Variants in KCNIP4 observed in about 807,000 individuals in gnomAD.
KCNIP4 encodes Kv channel-interacting protein 4.
A neutral mutation model predicts 34.0 loss-of-function variants in KCNIP4; 12 were observed. The observed-to-expected ratio is 0.35, with a 90% CI of 0.23 to 0.57. The LOEUF is 0.57. Ranked by LOEUF, KCNIP4 falls within the 20% of genes least tolerant of loss-of-function variation. KCNIP4 has a pLI of 0.83. For synonymous variants in KCNIP4, 124 were observed against 102.2 expected, an observed-to-expected ratio of 1.21 and a Z score of -1.29; for missense variants, 238 against 311.7, an observed-to-expected ratio of 0.76 and a Z score of 1.78.
chr4:21,588,053 C>T (rs973511961), intron 1 of KCNIP4, among the ~76,000 whole-genome samples: 4 of 151,852 alleles, frequency 2.6e-5, no homozygotes, highest in Non-Finnish European at 4.4e-5. Flanking sequence ...TTAGTTATCC[C>T]CTTTGAAGTC....
chr4:21,443,750 T>C (rs1727698732), intron 1 of KCNIP4, among the ~76,000 whole-genome samples: 1 of 151,980 alleles, frequency 6.6e-6, no homozygotes, highest in Admixed American at 6.6e-5. Flanking sequence ...CTGGGCAACA[T>C]AGTGAGACTC....
At position 20,728,630 on chromosome 4, in the gene KCNIP4, C is replaced by CTTTTA. The variant is rs759566449; in HGVS notation, c.*1447_*1451dup. ...GTAGAGTTATAAACATTTTATTTTG[C>CTTTTA]TTTTATTTTTTCTTTTTGAAATACA... On this transcript the variant is annotated 3_prime_UTR_variant, in exon 9 of 9. Coordinates refer to ENST00000382152, the MANE Select transcript of KCNIP4 (RefSeq NM_025221.6). 3.9e-5 allele frequency: 6 copies of CTTTTA among 152,472 alleles called. No homozygotes were observed. The highest frequency in any genetic ancestry group is 1.9e-4 in the East Asian group (1 of 5,190). 9.4% of individuals were successfully genotyped at this position (152,472 alleles called of 1,614,324 possible).
At chr4:21,148,506 C>G (rs1246349947) in intron 1 of KCNIP4, among the ~76,000 whole-genome samples, 1 of 152,086 alleles carries the variant, frequency 6.6e-6, no homozygotes, top group South Asian at 2.1e-4. Flanking sequence ...CATGCTTACA[C>G]CGTTCTGACA....
At chr4:20,877,217 C>G (rs889102847) in intron 2 of KCNIP4, among the ~76,000 whole-genome samples, 8 of 152,116 alleles carry the variant, frequency 5.3e-5, no homozygotes, top group Non-Finnish European at 2.9e-5. Context: ...GGACCAGAGC[C>G]CTTTTTTATT....
intron 1 of KCNIP4, among the ~76,000 whole-genome samples, chr4:20,996,172 G>GA (rs1388050460): frequency 1.3e-5 from 2 of 152,146 alleles, no homozygotes; most frequent in African/African-American, 4.8e-5. Context: ...TTCTGTATCT[G>GA]ACCAATTCTC....
At chr4:21,041,948 A>T (rs1741997600) in intron 1 of KCNIP4, among the ~76,000 whole-genome samples, 1 of 152,230 alleles carries the variant, frequency 6.6e-6, no homozygotes, top group Non-Finnish European at 1.5e-5. Flanking sequence ...ATCTATAAAA[A>T]TAAAGACAAA....
intron 1 of KCNIP4, among the ~76,000 whole-genome samples, chr4:21,060,066 G>T (rs1382634086): frequency 6.6e-6 from 1 of 152,080 alleles, no homozygotes; most frequent in East Asian, 1.9e-4. Flanking sequence ...CACATAAAAT[G>T]ATAAAAATTT....
At chr4:21,087,943 A>T (rs1577669883) in intron 1 of KCNIP4, among the ~76,000 whole-genome samples, 1 of 152,144 alleles carries the variant, frequency 6.6e-6, no homozygotes, top group African/African-American at 2.4e-5. Flanking sequence ...TTCTCACTCA[A>T]TATAATGTCG....
chr4:21,715,320 C>T (rs1004746793), intron 1 of KCNIP4, among the ~76,000 whole-genome samples: 28 of 151,890 alleles, frequency 1.8e-4, no homozygotes, highest in African/African-American at 3.1e-4. Context: ...TTAGTAGACA[C>T]GGGGTTTCAC....
chr4:20,950,593 A>ACT (rs1315974899), intron 1 of KCNIP4, among the ~76,000 whole-genome samples: 1 of 151,990 alleles, frequency 6.6e-6, no homozygotes, highest in African/African-American at 2.4e-5. Context: ...TGCAATCAGT[A>ACT]CTCTGCACAG....
intron 1 of KCNIP4, among the ~76,000 whole-genome samples, chr4:21,268,886 T>C (rs745622923): frequency 6.6e-6 from 1 of 152,228 alleles, no homozygotes; most frequent in Non-Finnish European, 1.5e-5. Flanking sequence ...ATGTTTGACC[T>C]AGGCTAAGGT....
chr4:21,002,786 A>G (rs1016903224), intron 1 of KCNIP4, among the ~76,000 whole-genome samples: 2 of 152,192 alleles, frequency 1.3e-5, no homozygotes, highest in Admixed American at 1.3e-4. Flanking sequence ...ACGCAGAACA[A>G]TGGGATTCAA....
At chr4:21,139,739 CTCCG>C (rs10549349) in intron 1 of KCNIP4, among the ~76,000 whole-genome samples, 79,832 of 151,544 alleles carry the variant, frequency 0.53, 21,585 homozygotes, top group African/African-American at 0.64. Context: ...CTGTCTTTCT[CTCCG>C]TCCGTCCATA....
chr4:21,775,222 G>A (rs975324510), intron 1 of KCNIP4, among the ~76,000 whole-genome samples: 6 of 152,012 alleles, frequency 3.9e-5, no homozygotes, highest in South Asian at 2.1e-4. Context: ...TCCCTCTTCC[G>A]TAGGGCTGCT....
At chr4:21,132,871 A>T (rs900862178) in intron 1 of KCNIP4, among the ~76,000 whole-genome samples, 2 of 144,558 alleles carry the variant, frequency 1.4e-5, no homozygotes, top group Non-Finnish European at 3.0e-5. Context: ...AAAAAAAAAA[A>T]AAAATTAGCC....
intron 3 of KCNIP4, among the ~76,000 whole-genome samples, chr4:20,846,523 C>T (rs1359056553): frequency 6.6e-6 from 1 of 152,074 alleles, no homozygotes; most frequent in Non-Finnish European, 1.5e-5. Flanking sequence ...TGTTCACTGT[C>T]TGTTATAATG....
chr4:21,504,475 A>AAAAAAAAAAAGAAAG (rs1264431211), intron 1 of KCNIP4, among the ~76,000 whole-genome samples: 38 of 101,862 alleles, frequency 3.7e-4, no homozygotes, highest in African/African-American at 1.2e-3. Flanking sequence ...CAAAAAAAAA[A>AAAAAAAAAAAGAAAG]AAAGAAAGAA....
At chr4:20,939,252 C>T (rs1374651879) in intron 1 of KCNIP4, among the ~76,000 whole-genome samples, 1 of 152,134 alleles carries the variant, frequency 6.6e-6, no homozygotes, top group Non-Finnish European at 1.5e-5. Flanking sequence ...CTCTACATTC[C>T]TATTTGCTAT....
At chr4:21,878,570 AGCTAAACCTG>A (rs1393290116) in intron 1 of KCNIP4, among the ~76,000 whole-genome samples, 1 of 152,218 alleles carries the variant, frequency 6.6e-6, no homozygotes, top group East Asian at 1.9e-4. Flanking sequence ...GGTCCCTTCC[AGCTAAACCTG>A]GCAATACCCA....
Sources: gnomAD v4.1 joint callset for allele counts (sites outside exome capture counted in the v4.1 genomes callset) on GRCh38, gnomAD v4.1.1 for gene constraint, MANE v1.5 for transcripts, NCBI Gene and HGNC (gene_info 2026-07-23, HGNC 2026-07-21) for gene names.